Variants in CYRIA observed in about 807,000 individuals in gnomAD.
CYRIA encodes CYFIP related Rac1 interactor A, also known as CYFIP-related Rac1 interactor A.
A neutral mutation model predicts 43.9 loss-of-function variants in CYRIA; 15 were observed. The ratio of observed to expected loss-of-function variants is 0.34; its 90% CI spans 0.23 to 0.53. The LOEUF (loss-of-function observed/expected upper bound fraction) is 0.53. CYRIA is among the 20% of genes least tolerant of loss of function. CYRIA has a pLI of 0.94. For synonymous variants in CYRIA, 117 were observed against 136.0 expected (o/e 0.86, Z 0.97); for missense variants, 236 against 394.2 (o/e 0.60, Z 3.40).
chr2:16,618,789 G>A lies in CYRIA; in HGVS notation c.-11+5075C>T, dbSNP rs551954288. Among the ~76,000 whole-genome samples, 17 of 152,296 alleles carry A rather than the reference G, an allele frequency of 1.1e-4. No homozygotes were observed. The East Asian group carries it at 2.1e-3, about 19-fold the overall frequency. On this transcript the variant is annotated intron_variant, in intron 2 of 11. Coordinates refer to ENST00000381323, the MANE Select transcript of CYRIA (RefSeq NM_030797.4). ...CCTGAAAGCATGTGAGCGGACCCCCGAAGGGAAAGATGTAGCTTTCCGAGG... is the reference window on the plus strand; with the variant it reads ...CCTGAAAGCATGTGAGCGGACCCCCAAAGGGAAAGATGTAGCTTTCCGAGG...
At chr2:16,563,881 G>T in intron 5 of CYRIA, 108 bp downstream of exon 5, 1 of 694,300 alleles carries the variant, frequency 1.4e-6, no homozygotes, top group Non-Finnish European at 2.4e-6. Flanking sequence ...TTGATACAGT[G>T]GATGGATGTG....
intron 3 of CYRIA, among the ~76,000 whole-genome samples, chr2:16,569,241 G>C (rs1667047687): frequency 6.6e-6 from 1 of 152,186 alleles, no homozygotes; most frequent in Non-Finnish European, 1.5e-5. Context: ...CCATCCTACA[G>C]TAATTCTCTC....
chr2:16,565,129 T>G (rs1424040721), intron 4 of CYRIA, among the ~76,000 whole-genome samples: 1 of 152,072 alleles, frequency 6.6e-6, no homozygotes, highest in Non-Finnish European at 1.5e-5. Flanking sequence ...TCTATAGCAC[T>G]GTGTGCTCAG....
At position 16,562,185 on chromosome 2, in the gene CYRIA, A is replaced by T. The variant is rs6751062; in HGVS notation, c.299-44T>A. 63 of 1,579,380 alleles carry T rather than the reference A, an allele frequency of 4.0e-5. No individual in the cohort carries two copies. In the South Asian group the frequency reaches 5.7e-4, roughly 14 times the overall value. ...AATAGATATGTTGGAGGTGGCCCAC[A>T]GAGGTCCTTCAAAGAACACAATTCC... On this transcript the variant is annotated intron_variant, in intron 5 of 11. Coordinates refer to ENST00000381323, the MANE Select transcript of CYRIA (RefSeq NM_030797.4).
In CYRIA at chr2:16,551,957, T is replaced by C. The variant is rs752425578; in HGVS notation, c.*979A>G. The C allele has an allele frequency of 6.6e-6, 1 of 152,096 alleles. No homozygotes were observed. The highest frequency in any genetic ancestry group is 6.5e-5 in the Admixed American group (1 of 15,272). The allele number at this position is 152,096 out of a possible 1,614,324, so 9.4% of individuals were successfully genotyped here. On this transcript the variant is annotated 3_prime_UTR_variant, in exon 12 of 12. Coordinates refer to ENST00000381323, the MANE Select transcript of CYRIA (RefSeq NM_030797.4). ...CCTGGGAAATAGAAAACATGGATTTTTTTTCCCTCTAAATTCCCCTAGTTT... is the reference window on the plus strand; with the variant it reads ...CCTGGGAAATAGAAAACATGGATTTCTTTTCCCTCTAAATTCCCCTAGTTT...
intron 11 of CYRIA, 84 bp from the exon 12 acceptor site, chr2:16,553,083 T>A (rs763794463): frequency 3.5e-6 from 3 of 857,744 alleles, no homozygotes; most frequent in Non-Finnish European, 6.1e-6. Context: ...GGAAACACAA[T>A]TGATATTTGG....
intron 5 of CYRIA, among the ~76,000 whole-genome samples, 198 bp downstream of exon 5, chr2:16,563,791 A>G (rs1260249697): frequency 2.0e-5 from 3 of 152,212 alleles, no homozygotes; most frequent in Admixed American, 1.3e-4. Flanking sequence ...AAATGGGCCA[A>G]TAACTTCAGG....
At chr2:16,635,051 G>A (rs1251592936) in intron 1 of CYRIA, among the ~76,000 whole-genome samples, 1 of 152,150 alleles carries the variant, frequency 6.6e-6, no homozygotes, top group Non-Finnish European at 1.5e-5. Context: ...GTTTCTTCCT[G>A]GTCCTAAGTT....
chr2:16,570,433 A>G (rs1170038063), intron 3 of CYRIA, among the ~76,000 whole-genome samples: 1 of 152,198 alleles, frequency 6.6e-6, no homozygotes, highest in Non-Finnish European at 1.5e-5. Context: ...GACACAGTGA[A>G]AAACTGCACT....
intron 4 of CYRIA, among the ~76,000 whole-genome samples, chr2:16,564,670 G>A (rs1240017077): frequency 7.2e-5 from 11 of 152,062 alleles, no homozygotes; most frequent in Non-Finnish European, 5.9e-5. Context: ...GCATGTGTGC[G>A]TATGTGTGTG....
At chr2:16,609,493 C>T (rs1366623493) in intron 2 of CYRIA, among the ~76,000 whole-genome samples, 1 of 152,196 alleles carries the variant, frequency 6.6e-6, no homozygotes, top group African/African-American at 2.4e-5. Context: ...GACCCTTGCA[C>T]TTGCTAGTCC....
intron 1 of CYRIA, among the ~76,000 whole-genome samples, chr2:16,639,350 T>C (rs1572196674): frequency 6.6e-6 from 1 of 152,250 alleles, no homozygotes; most frequent in African/African-American, 2.4e-5. Context: ...TAGAGAATAA[T>C]AAATAGATAG....
intron 3 of CYRIA, 124 bp from the exon 4 acceptor site, chr2:16,565,891 T>C (rs1666912504): frequency 7.6e-6 from 7 of 923,924 alleles, no homozygotes; most frequent in Non-Finnish European, 1.0e-5. Context: ...GTATTTACTC[T>C]TTAACCTAAT....
rs1240766566 is a variant in CYRIA, at chr2:16,551,849, G to A, written c.*1087C>T. The A allele has an allele frequency of 6.6e-6, 1 of 152,064 alleles. No individual in the cohort carries two copies. Among genetic ancestry groups the A allele is most frequent in the Non-Finnish European group, 1.5e-5 (1 of 67,994 alleles). The allele number at this position is 152,064 out of a possible 1,614,324, so 9.4% of individuals were successfully genotyped here. A position where few individuals can be genotyped will look rare whatever the true frequency, so the allele number is the denominator to read the frequency against. ...GATCACATTATGAATCATTAGTAAG[G>A]CCAGGAGTAAATTCAGGTGCACCAG... On this transcript the variant is annotated 3_prime_UTR_variant, in exon 12 of 12. Transcript: ENST00000381323.
intron 3 of CYRIA, among the ~76,000 whole-genome samples, chr2:16,569,251 C>A (rs1667047870): frequency 6.6e-6 from 1 of 152,166 alleles, no homozygotes; most frequent in South Asian, 2.1e-4. Context: ...GTAATTCTCT[C>A]CTGGCAGCTG....
At chr2:16,583,720 C>T (rs1222043801) in intron 3 of CYRIA, among the ~76,000 whole-genome samples, 1 of 152,122 alleles carries the variant, frequency 6.6e-6, no homozygotes, top group Non-Finnish European at 1.5e-5. Context: ...TCTTTCATTT[C>T]TCCCTGTCTC....
chr2:16,563,029 C>T (rs528007544), intron 5 of CYRIA, among the ~76,000 whole-genome samples: 1 of 152,228 alleles, frequency 6.6e-6, no homozygotes, highest in African/African-American at 2.4e-5. Flanking sequence ...ACCGGGATAT[C>T]TCTGGCCTTT....
At chr2:16,607,894 G>T (rs990748060) in intron 2 of CYRIA, among the ~76,000 whole-genome samples, 3 of 152,170 alleles carry the variant, frequency 2.0e-5, no homozygotes, top group African/African-American at 7.2e-5. Context: ...AGAGTGCCCG[G>T]TCCTTGCCTC....
intron 11 of CYRIA, among the ~76,000 whole-genome samples, chr2:16,554,604 C>T (rs970431951): frequency 1.3e-5 from 2 of 152,142 alleles, no homozygotes; most frequent in African/African-American, 2.4e-5. Flanking sequence ...CCAGAGATTC[C>T]GATTCATTTG....
Sources: allele counts gnomAD v4.1 joint callset (sites outside exome capture counted in the v4.1 genomes callset), GRCh38; gene constraint gnomAD v4.1.1; transcripts MANE v1.5; gene names NCBI Gene and HGNC (gene_info 2026-07-23, HGNC 2026-07-21).